NBPF19: variants seen among roughly 807,000 people sequenced by gnomAD.
NBPF19 encodes NBPF family member NBPF19.
NBPF19 carries 30 observed loss-of-function variants against 45.9 expected under a neutral mutation model. The observed-to-expected ratio is 0.65, with a 90% CI of 0.49 to 0.89. The LOEUF (loss-of-function observed/expected upper bound fraction) is 0.89. NBPF19 is among the 40% of genes least tolerant of loss of function. The pLI is 0.00. For synonymous variants in NBPF19, 183 were observed against 181.2 expected (o/e 1.01, Z -0.08); for missense variants, 495 against 471.8 (o/e 1.05, Z -0.46).
At chr1:149,487,267 A>C in intron 8 of NBPF19, 65 bp from the exon 9 acceptor site, 1 of 1,189,642 alleles carries the variant, frequency 8.4e-7, no homozygotes, top group Non-Finnish European at 1.2e-6. Flanking sequence ...AGGATTGGAC[A>C]GAGGAATGTT....
In NBPF19 at chr1:149,519,431, TTCTC is replaced by T. The variant is rs1209458388; in HGVS notation, c.5883-245_5883-242del. Among the ~76,000 whole-genome samples the T allele has an allele frequency of 5.1e-3, 54 of 10,514 alleles. No individual in the cohort carries two copies. In the East Asian group the frequency reaches 0.068, roughly 13 times the overall value. The allele number at this position is 10,514 out of a possible 152,430, so 6.9% of individuals were successfully genotyped here. On this transcript the variant is annotated intron_variant, in intron 49 of 93. Coordinates refer to ENST00000651566, the MANE Select transcript of NBPF19 (RefSeq NM_001351365.2). ...TCACCTGGACAATTCACTGAGCTCG[TTCTC>T]TCTCTCTCTCTGTGTGTGTGTGTGT... is the stretch of plus-strand genomic sequence containing the variant.
chr1:149,495,679 G>GTT (rs2086072953), intron 19 of NBPF19, among the ~76,000 whole-genome samples: 1 of 43,804 alleles, frequency 2.3e-5, no homozygotes, highest in Non-Finnish European at 4.4e-5. Context: ...GTGTGTGTGT[G>GTT]CGTGTGTGTG....
Position 149,554,661 on chromosome 1 carries a change from T to G in NBPF19, c.11455T>G (p.Leu3819Val), listed in dbSNP as rs1166207238. 106,739 of 1,607,756 alleles carry G rather than the reference T, an allele frequency of 0.066. 7,629 individuals carry two copies. The highest frequency in any genetic ancestry group is 0.076 in the African/African-American group (5,654 of 74,696). ...EEEHISFALY[L>V]DNRFFTLTVT... ...AGAGCATATCAGCTTCGCCCTTTAC[T>G]TGGACAATAGGTTTTTTACTTTGAC... The change falls in exon 94 of 94, where the codon TTG becomes GTG. Residue 3819 changes from leucine (L) to valine (V), a missense_variant. By Grantham distance (32) the Leu-to-Val change is conservative (BLOSUM62 1). Transcript: ENST00000651566.
chr1:149,488,430 G>A lies in NBPF19; in HGVS notation c.1213+245G>A, dbSNP rs1346764365. Among the ~76,000 whole-genome samples, 88 of 139,842 alleles carry A rather than the reference G, an allele frequency of 6.3e-4. 8 individuals carry two copies. In the Middle Eastern group the frequency reaches 0.021, roughly 34 times the overall value. The allele number at this position is 139,842 out of a possible 152,430, so 91.7% of individuals were successfully genotyped here. A position where few individuals can be genotyped will look rare whatever the true frequency, so the allele number is the denominator to read the frequency against. Reference sequence around the variant, plus strand: ...GGCGCCCTAATCCTACTCTCATGACGTTGGACCTGGGCAGATGTGACAAAT... The same window carrying A: ...GGCGCCCTAATCCTACTCTCATGACATTGGACCTGGGCAGATGTGACAAAT... On this transcript the variant is annotated intron_variant, in intron 10 of 93. Coordinates refer to ENST00000651566, the MANE Select transcript of NBPF19 (RefSeq NM_001351365.2).
chr1:149,554,260 T>G (rs2087149660), intron 93 of NBPF19, among the ~76,000 whole-genome samples: 1 of 151,834 alleles, frequency 6.6e-6, no homozygotes, highest in Non-Finnish European at 1.5e-5. Context: ...ATTCACTAGG[T>G]CACTTTCTCT....
chr1:149,494,068 G>T (rs1478507472), intron 17 of NBPF19, among the ~76,000 whole-genome samples: 3 of 124,548 alleles, frequency 2.4e-5, no homozygotes, highest in Non-Finnish European at 4.8e-5. Context: ...TGTGTCACCC[G>T]GCCAACTCGC....
rs1344063472 is a variant in NBPF19, at chr1:149,556,243, C to T, written c.*1505C>T. 2 of 147,150 alleles carry T rather than the reference C, an allele frequency of 1.4e-5. No individual in the cohort carries two copies. The highest frequency in any genetic ancestry group is 2.0e-4 in the East Asian group (1 of 5,032). The allele number at this position is 147,150 out of a possible 1,614,324, so 9.1% of individuals were successfully genotyped here. ...TTAATTTTAATCTATACAATTAAAA[C>T]CTTTTGCCTATCACTCTGGACTTTT... On this transcript the variant is annotated 3_prime_UTR_variant, in exon 94 of 94. Coordinates refer to ENST00000651566, the MANE Select transcript of NBPF19 (RefSeq NM_001351365.2).
At chr1:149,487,803 G>A (rs1349456001) in intron 9 of NBPF19, among the ~76,000 whole-genome samples, 1 of 149,018 alleles carries the variant, frequency 6.7e-6, no homozygotes, top group African/African-American at 2.5e-5. Context: ...GTGTGTGTGT[G>A]TGTGTGTGTG....
Position 149,519,767 on chromosome 1 carries a change from A to C in NBPF19, c.5962A>C (p.Ser1988Arg). 2.0e-5 allele frequency: 1 copy of C among 49,370 alleles called. No individual in the cohort carries two copies. The highest frequency in any genetic ancestry group is 3.3e-5 in the Non-Finnish European group (1 of 30,704). 3.1% of individuals were successfully genotyped at this position (49,370 alleles called of 1,614,324 possible). ...SLDRCYSTPS[S>R]CLEQPDSCQP... The stretch of plus-strand genomic sequence containing the variant: ...GGATAGATGTTATTCAACTCCTTCC[A>C]GTTGTCTTGAACAGCCTGACTCCTG... Residue 1988 changes from serine (S) to arginine (R), a missense_variant, in exon 50 of 94, where the codon AGT (serine) becomes CGT (arginine). Physicochemically the swap from Ser to Arg is moderately radical, Grantham distance 110. Coordinates refer to ENST00000651566, the MANE Select transcript of NBPF19 (RefSeq NM_001351365.2).
rs1429324662 is a variant in NBPF19, at chr1:149,490,861, C to G, written c.1491-278C>G. On this transcript the variant is annotated intron_variant, in intron 13 of 93. Coordinates refer to ENST00000651566, the MANE Select transcript of NBPF19 (RefSeq NM_001351365.2). ...TGTTACTCCCTCATCAGTGTGTCAC[C>G]TGGACAATTCACTGAGCTCGTTCTC... 4.3e-5 allele frequency among the ~76,000 whole-genome samples: 5 copies of G among 116,142 alleles called. No individual in the cohort carries two copies. In the East Asian group the frequency reaches 1.1e-3, roughly 27 times the overall value. 76.2% of individuals were successfully genotyped at this position (116,142 alleles called of 152,430 possible). A position where few individuals can be genotyped will look rare whatever the true frequency, so the allele number is the denominator to read the frequency against.
rs2084933575 is a variant in NBPF19 at position 149,477,820 on chromosome 1, C to T, written c.176-125C>T. ...CTGAAGAATAAAGATGTGGAAATCC[C>T]TGTCTAGACCCTGGTACTGGGGAGA... On this transcript the variant is annotated intron_variant, in intron 2 of 93. Transcript: ENST00000651566. 9 of 841,910 alleles carry T rather than the reference C, an allele frequency of 1.1e-5. No homozygotes were observed. The South Asian group carries it at 1.2e-4, about 11-fold the overall frequency. The allele number at this position is 841,910 out of a possible 1,614,324, so 52.2% of individuals were successfully genotyped here.
At position 149,475,380 on chromosome 1, in the gene NBPF19, TTC is replaced by T. The variant is rs2084766217; in HGVS notation, c.-449_-448del. Among the ~76,000 whole-genome samples the T allele has an allele frequency of 6.7e-6, 1 of 148,882 alleles. No individual in the cohort carries two copies. Among genetic ancestry groups the T allele is most frequent in the Admixed American group, 6.7e-5 (1 of 14,956 alleles). The stretch of plus-strand genomic sequence containing the variant: ...AAAATATAACCTGTTGGGAAACTGT[TTC>T]TGCCTTGATGATGTTGTACAGACAA... On this transcript the variant is annotated 5_prime_UTR_variant, in exon 1 of 94. Coordinates refer to ENST00000651566, the MANE Select transcript of NBPF19 (RefSeq NM_001351365.2).
Position 149,554,460 on chromosome 1 carries a change from C to T in NBPF19, c.11289-35C>T. 16 of 1,607,812 alleles carry T rather than the reference C, an allele frequency of 1.0e-5. 2 individuals are homozygous for T. The Admixed American group carries it at 1.5e-4, about 15-fold the overall frequency. On this transcript the variant is annotated intron_variant, in intron 93 of 93. Coordinates refer to ENST00000651566, the MANE Select transcript of NBPF19 (RefSeq NM_001351365.2). ...TGGGGCTCTGTGGTGTCTGATTTTC[C>T]CTGGCTGCTTCTTTAGTTTTGTCTC...
chr1:149,554,574 A>G lies in NBPF19; in HGVS notation c.11368A>G (p.Met3790Val), dbSNP rs1308977184. ...GGATGGATGTTATTCGACTCCGTCAATGTACTTTGAACTACCTGACTCATT... is the reference window on the plus strand; with the variant it reads ...GGATGGATGTTATTCGACTCCGTCAGTGTACTTTGAACTACCTGACTCATT... The part of the protein sequence containing the change: ...SLDGCYSTPS[M>V]YFELPDSFQH... The change falls in exon 94 of 94, where the codon ATG becomes GTG. Residue 3790 changes from methionine to valine, a missense_variant. Met to Val is a conservative substitution (Grantham distance 21). Around this residue, in one of 8 missense-constraint regions of NBPF19, gnomAD observed 248 missense variants for 95.4 expected, o/e 2.60. Coordinates refer to ENST00000651566, the MANE Select transcript of NBPF19 (RefSeq NM_001351365.2). 37 of 1,608,196 alleles carry G rather than the reference A, an allele frequency of 2.3e-5. 3 individuals are homozygous for G. The highest frequency in any genetic ancestry group is 1.1e-4 in the East Asian group (5 of 44,864).
chr1:149,487,552 A>G (rs2085627810), intron 9 of NBPF19, among the ~76,000 whole-genome samples, 169 bp downstream of exon 9: 1 of 150,916 alleles, frequency 6.6e-6, no homozygotes, highest in Non-Finnish European at 1.5e-5. Flanking sequence ...TTAGGTTTCC[A>G]TTTCTTCCTA....
At position 149,554,808 on chromosome 1, in the gene NBPF19, A is replaced by T. The variant is rs1489741817; in HGVS notation, c.*70A>T. 0.056 allele frequency: 88,848 copies of T among 1,600,622 alleles called. 4,137 individuals carry two copies. The highest frequency in any genetic ancestry group is 0.069 in the South Asian group (6,234 of 90,516). ...CTATAGGCACGTGAAGATTTGAATGAAACTACAGTTCCATTTGGAAGCCCA... is the reference window on the plus strand; with the variant it reads ...CTATAGGCACGTGAAGATTTGAATGTAACTACAGTTCCATTTGGAAGCCCA... On this transcript the variant is annotated 3_prime_UTR_variant, in exon 94 of 94. Coordinates refer to ENST00000651566, the MANE Select transcript of NBPF19 (RefSeq NM_001351365.2).
intron 13 of NBPF19, among the ~76,000 whole-genome samples, chr1:149,490,849 T>A (rs1351678621): frequency 8.9e-6 from 1 of 112,300 alleles, no homozygotes; most frequent in African/African-American, 3.7e-5. Flanking sequence ...TACTCCCTCA[T>A]CAGTGTGTCA....
rs1450693822 is a variant in NBPF19 at position 149,475,335 on chromosome 1, A to T, written c.-496A>T. On this transcript the variant is annotated 5_prime_UTR_variant, in exon 1 of 94. Coordinates refer to ENST00000651566, the MANE Select transcript of NBPF19 (RefSeq NM_001351365.2). ...GTTTTAACTGAGAGCAGGTGGGGTGACTTCATGACTACCATTAAGAAAATA... is the reference window on the plus strand; with the variant it reads ...GTTTTAACTGAGAGCAGGTGGGGTGTCTTCATGACTACCATTAAGAAAATA... Among the ~76,000 whole-genome samples the T allele has an allele frequency of 1.3e-5, 2 of 149,514 alleles. No homozygotes were observed. Among genetic ancestry groups the T allele is most frequent in the Non-Finnish European group, 3.0e-5 (2 of 67,006 alleles).
chr1:149,528,933 CG>C (rs1179445680), intron 61 of NBPF19, among the ~76,000 whole-genome samples: 2 of 128,294 alleles, frequency 1.6e-5, no homozygotes, highest in African/African-American at 6.3e-5. Context: ...TCACTGAGCT[CG>C]TTCTCTCTCT....
Sources: gnomAD v4.1 joint callset for allele counts (sites outside exome capture counted in the v4.1 genomes callset) on GRCh38, gnomAD v4.1.1 for gene constraint, gnomAD v4.1.1 regional missense constraint, MANE v1.5 for transcripts, NCBI Gene and HGNC (gene_info 2026-07-23, HGNC 2026-07-21) for gene names.